Variants in RAD51B observed in about 807,000 individuals in gnomAD.
The protein encoded by RAD51B is RAD51 paralog B.
Under a neutral mutation model 42.2 loss-of-function variants are expected in RAD51B, and 38 were observed. That is an observed-to-expected ratio of 0.90 (90% CI 0.70 to 1.18). RAD51B has a LOEUF of 1.18. Among genes scored for constraint, RAD51B ranks in the 50% most tolerant of loss-of-function variants. The pLI is 0.00. For missense variants in RAD51B, 373 were observed against 400.7 expected, an observed-to-expected ratio of 0.93 and a Z score of 0.59; for synonymous variants, 154 against 145.2, an observed-to-expected ratio of 1.06 and a Z score of -0.43.
chr14:68,307,245 G>A (rs958234865), intron 8 of RAD51B, among the ~76,000 whole-genome samples: 5 of 152,046 alleles, frequency 3.3e-5, no homozygotes, highest in African/African-American at 1.2e-4. Flanking sequence ...TGCAACAGGC[G>A]AGCACTGTAA....
At chr14:68,005,077 C>G (rs112402732) in intron 7 of RAD51B, among the ~76,000 whole-genome samples, 1,217 of 92,686 alleles carry the variant, frequency 0.013, 9 homozygotes, top group Middle Eastern at 0.048. Flanking sequence ...TTTTTTGAGA[C>G]AGTGTCTCTC....
intron 8 of RAD51B, among the ~76,000 whole-genome samples, chr14:68,364,641 T>A (rs1307641937): frequency 6.6e-6 from 1 of 152,064 alleles, no homozygotes; most frequent in East Asian, 1.9e-4. Context: ...AGGGGGACAA[T>A]GATCTCTCAC....
chr14:68,496,427 G>A (rs974471178), intron 10 of RAD51B, among the ~76,000 whole-genome samples: 5 of 152,158 alleles, frequency 3.3e-5, no homozygotes, highest in African/African-American at 1.2e-4. Context: ...GTGCTTACTT[G>A]CCTGTAATGC....
At chr14:68,374,262 GA>G (rs1430672314) in intron 8 of RAD51B, among the ~76,000 whole-genome samples, 1 of 151,824 alleles carries the variant, frequency 6.6e-6, no homozygotes, top group Non-Finnish European at 1.5e-5. Context: ...TAGGTGCTCA[GA>G]AAAAAAATGA....
At chr14:68,094,331 T>C (rs1333046698) in intron 7 of RAD51B, among the ~76,000 whole-genome samples, 3 of 152,240 alleles carry the variant, frequency 2.0e-5, no homozygotes, top group Non-Finnish European at 2.9e-5. Context: ...CCTTTGGTTA[T>C]ATCAGCATCG....
intron 9 of RAD51B, among the ~76,000 whole-genome samples, chr14:68,455,226 C>A (rs2085654686): frequency 6.6e-6 from 1 of 152,156 alleles, no homozygotes; most frequent in Non-Finnish European, 1.5e-5. Context: ...ATAACATATT[C>A]AAACTGTTGA....
At chr14:68,451,207 C>A (rs963319450) in intron 9 of RAD51B, among the ~76,000 whole-genome samples, 2 of 152,180 alleles carry the variant, frequency 1.3e-5, no homozygotes, top group African/African-American at 4.8e-5. Flanking sequence ...CTTATATATC[C>A]AGTCTGGTTG....
At chr14:67,873,532 A>G (rs1188446055) in intron 5 of RAD51B, among the ~76,000 whole-genome samples, 28 of 151,726 alleles carry the variant, frequency 1.8e-4, no homozygotes, top group Non-Finnish European at 8.8e-5. Flanking sequence ...CAGTGTGGCG[A>G]TTCCTCAGGG....
intron 5 of RAD51B, among the ~76,000 whole-genome samples, chr14:67,875,850 T>C (rs1228654481): frequency 1.3e-5 from 2 of 152,230 alleles, no homozygotes; most frequent in East Asian, 1.9e-4. Context: ...CTGAAGGTAA[T>C]ACCAGTGTGG....
intron 10 of RAD51B, among the ~76,000 whole-genome samples, chr14:68,604,994 CT>C (rs1295581806): frequency 6.6e-6 from 1 of 152,176 alleles, no homozygotes; most frequent in East Asian, 1.9e-4. Flanking sequence ...AGCCAGCAAC[CT>C]TGTGGCTCCT....
At chr14:67,834,547 T>C (rs2041165413) in intron 3 of RAD51B, among the ~76,000 whole-genome samples, 3 of 152,102 alleles carry the variant, frequency 2.0e-5, no homozygotes, top group Admixed American at 6.6e-5. Context: ...TCTAGCCTCA[T>C]TGCTTGCTGT....
intron 7 of RAD51B, among the ~76,000 whole-genome samples, chr14:68,051,874 A>ATGTG (rs72459876): frequency 0.025 from 3,744 of 148,822 alleles, 156 homozygotes; most frequent in African/African-American, 0.086. Flanking sequence ...CCTCCCACAT[A>ATGTG]TGTGTGTGTG....
intron 10 of RAD51B, among the ~76,000 whole-genome samples, chr14:68,572,091 A>T (rs982432008): frequency 6.6e-6 from 1 of 152,220 alleles, no homozygotes; most frequent in Non-Finnish European, 1.5e-5. Context: ...TTCATACGTC[A>T]TGCAAACAGG....
At chr14:68,469,979 A>G (rs543603202) in intron 10 of RAD51B, among the ~76,000 whole-genome samples, 2 of 152,278 alleles carry the variant, frequency 1.3e-5, no homozygotes, top group Non-Finnish European at 2.9e-5. Context: ...GTTCATTGCT[A>G]AGATCATGAT....
chr14:68,345,054 G>A (rs1399151733), intron 8 of RAD51B, among the ~76,000 whole-genome samples: 1 of 152,076 alleles, frequency 6.6e-6, no homozygotes, highest in Non-Finnish European at 1.5e-5. Flanking sequence ...CTTTGGAATG[G>A]GAATATTTAC....
intron 9 of RAD51B, among the ~76,000 whole-genome samples, chr14:68,430,209 T>TA (rs1440465407): frequency 2.0e-5 from 3 of 152,176 alleles, no homozygotes; most frequent in African/African-American, 7.2e-5. Context: ...TCTTTTGGCT[T>TA]AGGATTGTCT....
intron 7 of RAD51B, among the ~76,000 whole-genome samples, chr14:68,272,539 A>G (rs2139590211): frequency 6.7e-6 from 1 of 149,388 alleles, no homozygotes; most frequent in African/African-American, 2.5e-5. Flanking sequence ...CTACATGTAA[A>G]GAGCACTTTG....
At chr14:68,355,701 G>C (rs1488661902) in intron 8 of RAD51B, among the ~76,000 whole-genome samples, 1 of 152,158 alleles carries the variant, frequency 6.6e-6, no homozygotes, top group Admixed American at 6.5e-5. Flanking sequence ...AAATGGAAAA[G>C]TCAATTTAAA....
At chr14:68,078,919 G>T (rs139337552) in intron 7 of RAD51B, among the ~76,000 whole-genome samples, 1 of 152,262 alleles carries the variant, frequency 6.6e-6, no homozygotes, top group East Asian at 1.9e-4. Context: ...GAGCCTGGGA[G>T]GTTGAGGTTT....
Sources: allele counts gnomAD v4.1 joint callset (sites outside exome capture counted in the v4.1 genomes callset), GRCh38; gene constraint gnomAD v4.1.1; transcripts MANE v1.5; gene names NCBI Gene and HGNC (gene_info 2026-07-23, HGNC 2026-07-21).